COL5A3: variants seen among roughly 807,000 people sequenced by gnomAD.
COL5A3 encodes the protein collagen alpha-3(V) chain.
Under a neutral mutation model 250.0 loss-of-function variants are expected in COL5A3, and 172 were observed. That is an observed-to-expected ratio of 0.69 (90% CI 0.61 to 0.78). COL5A3 has a LOEUF of 0.78. Ranked by LOEUF, COL5A3 falls within the 30% of genes least tolerant of loss-of-function variation. COL5A3 has a pLI of 0.00. For synonymous variants in COL5A3, 937 were observed against 900.4 expected (o/e 1.04, Z -0.73); for missense variants, 2,340 against 2,334.4 (o/e 1.00, Z -0.05).
At chr19:9,967,679 C>A in intron 61 of COL5A3, 1 of 548,118 alleles carries the variant, frequency 1.8e-6, no homozygotes, top group Non-Finnish European at 3.1e-6. Flanking sequence ...GTTTACTTGG[C>A]AGAACTGTTT....
At chr19:9,979,442 G>A (rs1016780039) in intron 37 of COL5A3, 25 bp from the exon 38 acceptor site, 2 of 1,613,666 alleles carry the variant, frequency 1.2e-6, no homozygotes, top group Non-Finnish European at 8.5e-7. Flanking sequence ...TAAATGTGGG[G>A]GCGGTGTTAC....
Position 9,969,382 on chromosome 19 carries a change from T to TCC in COL5A3, c.4117_4118dup (p.Ala1374GlufsTer20). The stretch of plus-strand genomic sequence containing the variant: ...CAGGAGGGCCCATCTGTCCAGGGGC[T>TCC]CCCAGGAGGCCTGGTTCACCCTGAG... On this transcript the variant is annotated frameshift_variant, in exon 57 of 67. Coordinates refer to ENST00000264828, the MANE Select transcript of COL5A3 (RefSeq NM_015719.4). LOFTEE classifies it high-confidence loss of function. 1 of 1,607,116 alleles carries TCC rather than the reference T, an allele frequency of 6.2e-7. No individual in the cohort carries two copies.
At position 9,973,813 on chromosome 19, in the gene COL5A3, G is replaced by A; in HGVS notation, c.3559-4C>T. 1 of 1,614,010 alleles carries A rather than the reference G, an allele frequency of 6.2e-7. No individual in the cohort carries two copies. On this transcript the variant is annotated splice_polypyrimidine_tract_variant and splice_region_variant and intron_variant, in intron 48 of 66. Transcript: ENST00000264828. ...CTCCAGGCAGCCCTGGAGTGCCCTG[G>A]AGAGACAGCAAGGGGTAAGAGTGGG...
At chr19:9,970,500 AGTGGGG>A in intron 54 of COL5A3, 116 bp downstream of exon 54, 1 of 285,288 alleles carries the variant, frequency 3.5e-6, no homozygotes, top group African/African-American at 6.2e-5. Flanking sequence ...CTGTGGAGTG[AGTGGGG>A]TCTGTGGGTG....
At chr19:9,966,982 G>C (rs3786696) in intron 62 of COL5A3, among the ~76,000 whole-genome samples, 3,622 of 152,204 alleles carry the variant, frequency 0.024, 99 homozygotes, top group East Asian at 0.12. Flanking sequence ...GAGGACAAAA[G>C]AGAAAGCGCA....
rs2086656806 is a variant in COL5A3, at chr19:9,960,471, G to A, written c.5178C>T (p.Asp1726=). The A allele has an allele frequency of 1.2e-6, 2 of 1,614,206 alleles. No homozygotes were observed. Among genetic ancestry groups the A allele is most frequent in the East Asian group, 2.2e-5 (1 of 44,888 alleles). ...FLPLWDVAAT[D]FGQTNQKFGF... ...CAAACTTTTGGTTCGTCTGGCCAAA[G>A]TCAGTGGCCGCCACATCCCACAGGG... The change falls in exon 67 of 67, where the codon GAC becomes GAT. Residue 1726 remains aspartate, a synonymous_variant. Coordinates refer to ENST00000264828, the MANE Select transcript of COL5A3 (RefSeq NM_015719.4).
rs10415783 is a variant in COL5A3 at position 9,996,195 on chromosome 19, G to A, written c.1479+11C>T. 0.078 allele frequency: 122,368 copies of A among 1,564,248 alleles called. 5,062 individuals carry two copies. Among genetic ancestry groups the A allele is most frequent in the African/African-American group, 0.088 (6,418 of 72,848 alleles). ...CATGCACCGCCCCCTCCACGCAGTC[G>A]CCTTACTCACCACAGGGCCTGGGCG... On this transcript the variant is annotated intron_variant, in intron 14 of 66. Transcript: ENST00000264828.
At chr19:9,970,807 T>C (rs2086834424) in intron 53 of COL5A3, 132 bp from the exon 54 acceptor site, 3 of 997,372 alleles carry the variant, frequency 3.0e-6, no homozygotes, top group South Asian at 2.0e-5. Flanking sequence ...ACCTCCCACC[T>C]ACTCCCTCAA....
At chr19:9,967,284 G>C in intron 62 of COL5A3, 63 bp downstream of exon 62, 1 of 1,254,694 alleles carries the variant, frequency 8.0e-7, no homozygotes, top group Non-Finnish European at 1.0e-6. Flanking sequence ...GGGACACCCA[G>C]ACATAGTCCT....
In COL5A3 at chr19:9,986,013, G is replaced by T. The variant is rs8102756; in HGVS notation, c.2353-118C>A. The T allele has an allele frequency of 9.1e-6, 8 of 880,474 alleles. No homozygotes were observed. The African/African-American group carries it at 9.9e-5, about 11-fold the overall frequency. The allele number at this position is 880,474 out of a possible 1,614,324, so 54.5% of individuals were successfully genotyped here. On this transcript the variant is annotated intron_variant, in intron 30 of 66. Coordinates refer to ENST00000264828, the MANE Select transcript of COL5A3 (RefSeq NM_015719.4). ...ATGGGATGGGAGTTGGGGAAACGAG[G>T]TTCAAGTCCTTGCTCCTGCCTGCTA...
chr19:9,990,790 C>G (rs2087178254), intron 24 of COL5A3, among the ~76,000 whole-genome samples: 1 of 152,094 alleles, frequency 6.6e-6, no homozygotes, highest in Non-Finnish European at 1.5e-5. Context: ...GTCTCGATCT[C>G]CTGACCTCGT....
rs1222914660 is a variant in COL5A3, at chr19:10,010,330, G to C, written c.56C>G (p.Ala19Gly). Reference protein sequence around the residue: ...QPRAGLCLLLAALQLLPGTQA... With the variant: ...QPRAGLCLLLGALQLLPGTQA... ...CGTCCCCGGCAGAAGCTGCAGCGCGGCCAGGAGCAGGCAGAGACCGGCCCG... is the reference window on the plus strand; with the variant it reads ...CGTCCCCGGCAGAAGCTGCAGCGCGCCCAGGAGCAGGCAGAGACCGGCCCG... Residue 19 changes from alanine (A) to glycine (G), a missense_variant, in exon 1 of 67, where the codon GCC becomes GGC. Ala to Gly is a moderately conservative substitution (Grantham distance 60, BLOSUM62 0). Coordinates refer to ENST00000264828, the MANE Select transcript of COL5A3 (RefSeq NM_015719.4). 6.8e-7 allele frequency: 1 copy of C among 1,468,908 alleles called. No homozygotes were observed. The allele number at this position is 1,468,908 out of a possible 1,614,324, so 91.0% of individuals were successfully genotyped here.
At chr19:9,987,396 G>A (rs1270254764) in intron 27 of COL5A3, among the ~76,000 whole-genome samples, 2 of 152,104 alleles carry the variant, frequency 1.3e-5, no homozygotes, top group East Asian at 3.8e-4. Context: ...ACAACATAGG[G>A]GTTGGCTACA....
At position 10,005,943 on chromosome 19, in the gene COL5A3, C is replaced by T. The variant is rs777662843; in HGVS notation, c.290G>A (p.Arg97Gln). The T allele has an allele frequency of 8.7e-6, 14 of 1,613,884 alleles. No individual in the cohort carries two copies. Among genetic ancestry groups the T allele is most frequent in the South Asian group, 1.1e-5 (1 of 91,078 alleles). Reference sequence around the variant, plus strand: ...GACAGACTGATTGGCTGGCTGTCCCCGCAAGGTGATCAGCAAGGAGAAGTT... The same window carrying T: ...GACAGACTGATTGGCTGGCTGTCCCTGCAAGGTGATCAGCAAGGAGAAGTT... Reference protein sequence around the residue: ...PENFSLLITLRGQPANQSVLL... With the variant: ...PENFSLLITLQGQPANQSVLL... Residue 97 changes from arginine (R) to glutamine (Q), a missense_variant, in exon 3 of 67, where the codon CGG becomes CAG. Transcript: ENST00000264828.
intron 27 of COL5A3, among the ~76,000 whole-genome samples, chr19:9,988,854 A>G (rs1355799194): frequency 3.7e-5 from 5 of 134,516 alleles, no homozygotes; most frequent in Admixed American, 1.4e-4. Context: ...AAAAAAAAAA[A>G]AAAAGAAAGT....
Position 9,989,315 on chromosome 19 carries a change from C to T in COL5A3, c.2091+7G>A. 6.2e-7 allele frequency: 1 copy of T among 1,614,194 alleles called. No individual in the cohort carries two copies. Among genetic ancestry groups the T allele is most frequent in the Non-Finnish European group, 8.5e-7 (1 of 1,180,014 alleles). Reference sequence around the variant, plus strand: ...CCCCAACCCAGCCTAACCTCCTGGTCACTCACCTGAGCCCCTTTCTCTCCC... The same window carrying T: ...CCCCAACCCAGCCTAACCTCCTGGTTACTCACCTGAGCCCCTTTCTCTCCC... On this transcript the variant is annotated splice_region_variant and intron_variant, in intron 26 of 66. Transcript: ENST00000264828.
In COL5A3 at chr19:10,009,217, G is replaced by A. The variant is rs1309189488; in HGVS notation, c.88+1081C>T. Among the ~76,000 whole-genome samples the A allele has an allele frequency of 6.7e-6, 1 of 150,070 alleles. No homozygotes were observed. The highest frequency in any genetic ancestry group is 1.5e-5 in the Non-Finnish European group (1 of 67,654). ...GTGTGTGTGTGTGTTGGGAGACTGA[G>A]CTCACCTTAGAAAGGGATTTCCAGG... is the stretch of plus-strand genomic sequence containing the variant. On this transcript the variant is annotated intron_variant, in intron 1 of 66. Coordinates refer to ENST00000264828, the MANE Select transcript of COL5A3 (RefSeq NM_015719.4). This position sits in a 1 kb window ranked among gnomAD's most constrained non-coding sequence, Gnocchi z 4.4.
intron 65 of COL5A3, among the ~76,000 whole-genome samples, chr19:9,961,762 G>T (rs1020576047): frequency 6.6e-6 from 1 of 152,026 alleles, no homozygotes; most frequent in African/African-American, 2.4e-5. Flanking sequence ...GTTTCACCAT[G>T]TTAGCCAGGA....
At chr19:9,977,792 T>A in intron 41 of COL5A3, 91 bp from the exon 42 acceptor site, 1 of 1,062,386 alleles carries the variant, frequency 9.4e-7, no homozygotes, top group Non-Finnish European at 1.3e-6. Context: ...AGTTCTGAGG[T>A]TACCAGGATT....
Sources: allele counts gnomAD v4.1 joint callset (sites outside exome capture counted in the v4.1 genomes callset), GRCh38; gene constraint gnomAD v4.1.1; non-coding constraint Gnocchi (gnomAD v3.1); transcripts MANE v1.5; gene names NCBI Gene and HGNC (gene_info 2026-07-23, HGNC 2026-07-21).